CEP128: variants seen among roughly 807,000 people sequenced by gnomAD.
The protein encoded by CEP128 is centrosomal protein 128kDa.
A neutral mutation model predicts 156.7 loss-of-function variants in CEP128; 132 were observed. The ratio of observed to expected loss-of-function variants is 0.84; its 90% confidence interval spans 0.73 to 0.97. The LOEUF (loss-of-function observed/expected upper bound fraction) is 0.97. CEP128 is among the 50% of genes least tolerant of loss of function. The pLI is 0.00. For synonymous variants in CEP128, 469 were observed against 448.9 expected (o/e 1.04, Z -0.57); for missense variants, 1,252 against 1,281.9 (o/e 0.98, Z 0.36).
At chr14:80,650,045 T>C (rs567878022) in intron 19 of CEP128, among the ~76,000 whole-genome samples, 2 of 152,184 alleles carry the variant, frequency 1.3e-5, no homozygotes. Context: ...TTCCTATCCA[T>C]GAGCATGGAA....
At chr14:80,578,554 A>G (rs576047839) in intron 20 of CEP128, among the ~76,000 whole-genome samples, 5 of 152,316 alleles carry the variant, frequency 3.3e-5, no homozygotes, top group South Asian at 2.1e-4. Flanking sequence ...ATGATTTTCT[A>G]TTACAGATGA....
At chr14:80,709,101 T>C (rs890718311) in intron 19 of CEP128, among the ~76,000 whole-genome samples, 1 of 150,938 alleles carries the variant, frequency 6.6e-6, no homozygotes, top group Non-Finnish European at 1.5e-5. Flanking sequence ...AATAATAAAA[T>C]AAAACTCTAA....
chr14:80,647,054 T>C (rs1229987658), intron 19 of CEP128, among the ~76,000 whole-genome samples: 312 of 6,902 alleles, frequency 0.045, 22 homozygotes, highest in Admixed American at 0.12. Flanking sequence ...TATATATATA[T>C]ATATATATAT....
Position 80,642,154 on chromosome 14 carries a change from A to C in CEP128, c.2807-61731T>G, listed in dbSNP as rs568302857. Among the ~76,000 whole-genome samples the C allele has an allele frequency of 4.0e-5, 6 of 151,848 alleles. No individual in the cohort carries two copies. The East Asian group carries it at 1.2e-3, about 29-fold the overall frequency. On this transcript the variant is annotated intron_variant, in intron 19 of 24. Transcript: ENST00000555265. ...ATAAGCTACAAACTGCTGTGATTCC[A>C]TCAGCCTACAGACATTTCAGCAGTA...
intron 20 of CEP128, among the ~76,000 whole-genome samples, chr14:80,576,197 T>C (rs1891347289): frequency 6.6e-6 from 1 of 152,204 alleles, no homozygotes; most frequent in South Asian, 2.1e-4. Flanking sequence ...GTCAAGTCAC[T>C]GAATGCAATT....
intron 19 of CEP128, among the ~76,000 whole-genome samples, chr14:80,598,403 T>A (rs1892433089): frequency 6.6e-6 from 1 of 152,126 alleles, no homozygotes; most frequent in African/African-American, 2.4e-5. Context: ...GAAATAAGTA[T>A]AAATTTAACA....
chr14:80,948,963 C>T (rs1160387338), intron 2 of CEP128, among the ~76,000 whole-genome samples: 4 of 152,124 alleles, frequency 2.6e-5, no homozygotes, highest in Admixed American at 2.6e-4. Flanking sequence ...TTTTTGCCTA[C>T]ATTATAATTG....
chr14:80,697,003 T>A (rs1291195078), intron 19 of CEP128, among the ~76,000 whole-genome samples: 1 of 152,130 alleles, frequency 6.6e-6, no homozygotes, highest in Non-Finnish European at 1.5e-5. Flanking sequence ...AGGTAATGCT[T>A]AACAGCAAAG....
At chr14:80,660,797 G>A (rs1398466553) in intron 19 of CEP128, among the ~76,000 whole-genome samples, 1 of 152,092 alleles carries the variant, frequency 6.6e-6, no homozygotes, top group Non-Finnish European at 1.5e-5. Context: ...ACACTGATTT[G>A]GCTATCTTAG....
intron 19 of CEP128, among the ~76,000 whole-genome samples, chr14:80,612,152 G>T (rs968671633): frequency 6.6e-6 from 1 of 152,176 alleles, no homozygotes; most frequent in African/African-American, 2.4e-5. Context: ...TATGTAGTAC[G>T]AGCCACAAAA....
At chr14:80,846,807 C>A (rs1886631642) in intron 9 of CEP128, among the ~76,000 whole-genome samples, 5 of 152,084 alleles carry the variant, frequency 3.3e-5, no homozygotes, top group Admixed American at 3.3e-4. Context: ...TCTTGTAAAA[C>A]TGCACCCTTC....
intron 21 of CEP128, among the ~76,000 whole-genome samples, chr14:80,539,487 C>T (rs546800277): frequency 4.1e-4 from 62 of 152,320 alleles, no homozygotes; most frequent in African/African-American, 1.4e-3. Context: ...ATTTATTACG[C>T]CTATCTTTAC....
intron 16 of CEP128, among the ~76,000 whole-genome samples, chr14:80,762,521 A>G (rs1251462247): frequency 3.3e-5 from 5 of 152,236 alleles, no homozygotes; most frequent in Non-Finnish European, 5.9e-5. Context: ...ACTCATTAAG[A>G]ATTAATCATG....
In CEP128 at chr14:80,720,786, G is replaced by C. The variant is rs141507356; in HGVS notation, c.2806+22289C>G. Among the ~76,000 whole-genome samples the C allele has an allele frequency of 3.9e-3, 597 of 152,262 alleles. 3 individuals carry two copies. Among genetic ancestry groups the C allele is most frequent in the Middle Eastern group, 6.8e-3 (2 of 292 alleles). On this transcript the variant is annotated intron_variant, in intron 19 of 24. Transcript: ENST00000555265. ...GTATCTAAGCAATGCAGACAAACTAGTCTGAATGGAAAATAACCTTGACTT... is the reference window on the plus strand; with the variant it reads ...GTATCTAAGCAATGCAGACAAACTACTCTGAATGGAAAATAACCTTGACTT...
intron 19 of CEP128, among the ~76,000 whole-genome samples, chr14:80,683,973 T>C (rs964586803): frequency 6.6e-6 from 1 of 152,086 alleles, no homozygotes; most frequent in Non-Finnish European, 1.5e-5. Context: ...TTTATAGTAC[T>C]AAACACCTAC....
intron 2 of CEP128, chr14:80,955,934 A>C: frequency 2.0e-6 from 3 of 1,535,238 alleles, no homozygotes; most frequent in South Asian, 1.1e-5. Flanking sequence ...AAGCAGCTCA[A>C]TAACAGCCCG....
chr14:80,823,868 T>G (rs1298149983), intron 13 of CEP128, among the ~76,000 whole-genome samples: 1 of 152,248 alleles, frequency 6.6e-6, no homozygotes, highest in Non-Finnish European at 1.5e-5. Context: ...CACTGGGCAG[T>G]GCCCCAGTAG....
intron 18 of CEP128, among the ~76,000 whole-genome samples, chr14:80,756,240 C>G (rs1899651812): frequency 6.6e-6 from 1 of 152,126 alleles, no homozygotes. Context: ...TCAAAAATGG[C>G]TAGAAATGCA....
chr14:80,791,238 G>C (rs909016830), intron 14 of CEP128, among the ~76,000 whole-genome samples: 14 of 151,926 alleles, frequency 9.2e-5, no homozygotes, highest in African/African-American at 3.1e-4. Context: ...AATTTTTAAG[G>C]CTTTTAAAGG....
Sources: allele counts gnomAD v4.1 joint callset (sites outside exome capture counted in the v4.1 genomes callset), GRCh38; gene constraint gnomAD v4.1.1; transcripts MANE v1.5; gene names NCBI Gene and HGNC (gene_info 2026-07-23, HGNC 2026-07-21).